TACC1: variants seen among roughly 807,000 people sequenced by gnomAD.
TACC1 encodes transforming acidic coiled-coil-containing protein 1.
Under a neutral mutation model 84.4 loss-of-function variants are expected in TACC1, and 48 were observed. The observed-to-expected ratio is 0.57, with a 90% confidence interval of 0.45 to 0.72. The LOEUF (loss-of-function observed/expected upper bound fraction) is 0.72. Ranked by LOEUF, TACC1 falls within the 30% of genes least tolerant of loss-of-function variation. The pLI is 0.00. For synonymous variants in TACC1, 372 were observed against 376.3 expected, an observed-to-expected ratio of 0.99 and a Z score of 0.13; for missense variants, 920 against 973.0, an observed-to-expected ratio of 0.95 and a Z score of 0.72.
chr8:38,823,670 A>C (rs1827373415), intron 3 of TACC1, among the ~76,000 whole-genome samples: 1 of 152,154 alleles, frequency 6.6e-6, no homozygotes, highest in Non-Finnish European at 1.5e-5. Flanking sequence ...GGCCTTATGC[A>C]ATCAAAAATC....
chr8:38,737,249 C>T (rs73609100), intron 1 of TACC1, among the ~76,000 whole-genome samples: 13,806 of 152,246 alleles, frequency 0.091, 720 homozygotes, highest in Middle Eastern at 0.12. Flanking sequence ...GCCTCCTCCC[C>T]AGCATCTGTG....
At chr8:38,765,886 T>TA (rs113533420) in intron 3 of TACC1, among the ~76,000 whole-genome samples, 31,986 of 152,092 alleles carry the variant, frequency 0.21, 4,008 homozygotes, top group Non-Finnish European at 0.29. Context: ...ATTTTTTTTT[T>TA]ACCAGCCTAG....
chr8:38,794,948 AT>A (rs1189328805), intron 2 of TACC1, among the ~76,000 whole-genome samples: 4 of 152,116 alleles, frequency 2.6e-5, no homozygotes, highest in African/African-American at 4.8e-5. Context: ...CCACAGTTTG[AT>A]TTTTTTGTAC....
At chr8:38,756,567 G>T (rs1810083449) in intron 3 of TACC1, among the ~76,000 whole-genome samples, 1 of 152,138 alleles carries the variant, frequency 6.6e-6, no homozygotes, top group Non-Finnish European at 1.5e-5. Flanking sequence ...TTGTTTGTTT[G>T]TTTTTTCCTT....
chr8:38,773,702 C>G (rs1246201587), intron 3 of TACC1, among the ~76,000 whole-genome samples: 1 of 151,784 alleles, frequency 6.6e-6, no homozygotes, highest in Non-Finnish European at 1.5e-5. Context: ...ATTCAGTCAT[C>G]AAATATTGAG....
At chr8:38,804,395 G>A (rs992822594) in intron 2 of TACC1, among the ~76,000 whole-genome samples, 2 of 152,060 alleles carry the variant, frequency 1.3e-5, no homozygotes, top group African/African-American at 4.8e-5. Context: ...CGCCTCCCGG[G>A]TTCAAGCAAT....
chr8:38,792,620 T>G (rs1352638134), intron 2 of TACC1, among the ~76,000 whole-genome samples: 1 of 152,084 alleles, frequency 6.6e-6, no homozygotes, highest in East Asian at 1.9e-4. Context: ...CGCCCACCAC[T>G]ACGCCCAGCT....
chr8:38,815,023 G>A (rs1825096127), intron 2 of TACC1, among the ~76,000 whole-genome samples: 1 of 152,212 alleles, frequency 6.6e-6, no homozygotes, highest in African/African-American at 2.4e-5. Context: ...GTAAAATGTA[G>A]TGTAAAATAG....
At chr8:38,792,893 C>T (rs186298494) in intron 2 of TACC1, among the ~76,000 whole-genome samples, 1 of 152,264 alleles carries the variant, frequency 6.6e-6, no homozygotes, top group African/African-American at 2.4e-5. Context: ...AGCTACCATG[C>T]CTGGCTTTTG....
intron 5 of TACC1, 96 bp from the exon 6 acceptor site, chr8:38,831,029 T>G: frequency 9.5e-7 from 1 of 1,057,776 alleles, no homozygotes; most frequent in South Asian, 1.3e-5. Flanking sequence ...TGTTCATAAG[T>G]CATTCTCGCC....
intron 3 of TACC1, chr8:38,824,106 C>CA: frequency 9.1e-7 from 1 of 1,094,420 alleles, no homozygotes; most frequent in Admixed American, 2.0e-5. Flanking sequence ...CTCTCCATAG[C>CA]ATGTTTGCTT....
chr8:38,831,007 A>G (rs947331612), intron 5 of TACC1, 118 bp from the exon 6 acceptor site: 5 of 829,270 alleles, frequency 6.0e-6, no homozygotes, highest in Non-Finnish European at 9.8e-6. Context: ...AAATCTTAAA[A>G]TGCTTTTCAT....
Position 38,849,768 on chromosome 8 carries a change from C to G in TACC1, c.*1745C>G, listed in dbSNP as rs1168755078. ...TAACATTTTGTATAAAAAAGAACAA[C>G]AGAAATTATCTGTCATTTGAGAAGT... On this transcript the variant is annotated 3_prime_UTR_variant, in exon 13 of 13. Transcript: ENST00000317827. 6.6e-6 allele frequency: 1 copy of G among 152,586 alleles called. No individual in the cohort carries two copies. The highest frequency in any genetic ancestry group is 1.5e-5 in the Non-Finnish European group (1 of 68,028). 9.5% of individuals were successfully genotyped at this position (152,586 alleles called of 1,614,324 possible).
intron 10 of TACC1, 114 bp downstream of exon 10, chr8:38,842,561 C>G (rs926374204): frequency 1.0e-5 from 12 of 1,158,950 alleles, no homozygotes; most frequent in Non-Finnish European, 1.3e-5. Context: ...AATAGGAGCT[C>G]AGGGCCTACT....
intron 7 of TACC1, among the ~76,000 whole-genome samples, chr8:38,837,105 CTTTT>C (rs11414868): frequency 8.3e-6 from 1 of 120,904 alleles, no homozygotes; most frequent in Non-Finnish European, 1.7e-5. Context: ...CCACCAAAAT[CTTTT>C]TTTTTTTTTT....
At position 38,772,888 on chromosome 8, in the gene TACC1, T is replaced by A. The variant is rs562544593; in HGVS notation, c.27-15816T>A. Among the ~76,000 whole-genome samples, 10 of 152,130 alleles carry A rather than the reference T, an allele frequency of 6.6e-5. No homozygotes were observed. The South Asian group carries it at 2.1e-3, about 32-fold the overall frequency. ...TAAATAAACACTAATAAAACAAATA[T>A]TTAAACATGCATAAAGTACTCACCT... On this transcript the variant is annotated intron_variant, in intron 3 of 14. Coordinates refer to the TACC1 transcript ENST00000518415.
At chr8:38,772,067 C>A (rs1304139830) in intron 3 of TACC1, among the ~76,000 whole-genome samples, 1 of 151,966 alleles carries the variant, frequency 6.6e-6, no homozygotes, top group Non-Finnish European at 1.5e-5. Context: ...GGAAGGAAGG[C>A]AGGCAAGCAG....
chr8:38,777,159 G>A (rs1814966940), intron 3 of TACC1, among the ~76,000 whole-genome samples: 1 of 151,618 alleles, frequency 6.6e-6, no homozygotes, highest in East Asian at 1.9e-4. Flanking sequence ...TGGAGGCTGA[G>A]ACAGGAGAAT....
intron 3 of TACC1, among the ~76,000 whole-genome samples, chr8:38,772,247 C>G (rs1411940559): frequency 6.6e-6 from 1 of 152,222 alleles, no homozygotes; most frequent in Non-Finnish European, 1.5e-5. Context: ...GTCTCATATA[C>G]TGTGTTTACA....
Sources: gnomAD v4.1 joint callset for allele counts (sites outside exome capture counted in the v4.1 genomes callset) on GRCh38, gnomAD v4.1.1 for gene constraint, MANE v1.5 for transcripts, NCBI Gene and HGNC (gene_info 2026-07-23, HGNC 2026-07-21) for gene names.